Variants in FAM9B observed in about 807,000 individuals in gnomAD.
FAM9B encodes protein FAM9B.
Under a neutral mutation model 16.6 loss-of-function variants are expected in FAM9B, and 18 were observed. That is an observed-to-expected ratio of 1.09 (90% CI 0.75 to 1.61). The LOEUF is 1.61. Ranked by LOEUF, FAM9B falls within the 40% of genes most tolerant of loss-of-function variation. The pLI is 0.00. For missense variants in FAM9B, 155 were observed against 136.0 expected (o/e 1.14, Z -0.70); for synonymous variants, 43 against 42.6 (o/e 1.01, Z -0.03).
chrX:9,027,137 A>G (rs114326282), intron 7 of FAM9B, among the ~76,000 whole-genome samples: 1,960 of 112,203 alleles, frequency 0.017, 45 homozygotes, highest in African/African-American at 0.061. Flanking sequence ...ATAATTCGCA[A>G]TTCACAACGT....
rs770766334 is a variant in FAM9B, at chrX:9,032,004, C to T, written c.181+126G>A. 1,211 of 523,602 alleles carry T rather than the reference C, an allele frequency of 2.3e-3. 3 individuals carry two copies. Among genetic ancestry groups the T allele is most frequent in the Non-Finnish European group, 3.2e-3 (1,059 of 332,525 alleles). 43.2% of individuals were successfully genotyped at this position (523,602 alleles called of 1,213,427 possible). A position where few individuals can be genotyped will look rare whatever the true frequency, so the allele number is the denominator to read the frequency against. The stretch of plus-strand genomic sequence containing the variant: ...TCAAATAGATTACATTAAATACGTA[C>T]GTTAAATGCTACATATGAGAAGCCA... On this transcript the variant is annotated intron_variant, in intron 4 of 8. Transcript: ENST00000327220.
chrX:9,030,578 T>A (rs751810557), intron 4 of FAM9B: 15 of 283,450 alleles, frequency 5.3e-5, no homozygotes, highest in Non-Finnish European at 9.2e-5. Flanking sequence ...TCAATTCCAG[T>A]TGGTATAACT....
At chrX:9,028,671 A>G (rs1224197128) in intron 6 of FAM9B, among the ~76,000 whole-genome samples, 4 of 111,462 alleles carry the variant, frequency 3.6e-5, no homozygotes, top group African/African-American at 1.3e-4. Context: ...ATGGTTTCCG[A>G]GCTAGCAATG....
intron 7 of FAM9B, 43 bp from the exon 8 acceptor site, chrX:9,025,626 A>G: frequency 2.0e-6 from 2 of 1,023,110 alleles, no homozygotes; most frequent in Non-Finnish European, 2.7e-6. Flanking sequence ...ACCACTTTAT[A>G]TCTCGCATTT....
At position 9,025,330 on chromosome X, in the gene FAM9B, T is replaced by C. The variant is rs1920958506; in HGVS notation, c.*79A>G. The C allele has an allele frequency of 1.8e-5, 7 of 378,405 alleles. No individual in the cohort carries two copies. The East Asian group carries it at 3.0e-4, about 16-fold the overall frequency. 31.2% of individuals were successfully genotyped at this position (378,405 alleles called of 1,213,427 possible). A position where few individuals can be genotyped will look rare whatever the true frequency, so the allele number is the denominator to read the frequency against. On this transcript the variant is annotated 3_prime_UTR_variant, in exon 9 of 9. Transcript: ENST00000327220. ...CAAGTTCTTTCTTCAGTCATCAGAA[T>C]AACAGAGGTTGAAGAGACAACTGGG...
At chrX:9,027,087 T>C (rs1920974549) in intron 7 of FAM9B, among the ~76,000 whole-genome samples, 1 of 112,054 alleles carries the variant, frequency 8.9e-6, no homozygotes, top group African/African-American at 3.2e-5. Context: ...GAAGAGGTCA[T>C]TGTCTGATGA....
chrX:9,024,594 T>C lies in FAM9B; in HGVS notation c.*815A>G, dbSNP rs747027010. 6 of 112,016 alleles carry C rather than the reference T, an allele frequency of 5.4e-5. No individual in the cohort carries two copies. The highest frequency in any genetic ancestry group is 9.4e-5 in the Non-Finnish European group (5 of 53,248). The allele number at this position is 112,016 out of a possible 1,213,427, so 9.2% of individuals were successfully genotyped here. A position where few individuals can be genotyped will look rare whatever the true frequency, so the allele number is the denominator to read the frequency against. On this transcript the variant is annotated 3_prime_UTR_variant, in exon 9 of 9. Transcript: ENST00000327220. ...TTTTGATATGGCCATAGAGTATATC[T>C]ATTTTTTGAAGTCCTACTTTCATTG...
At chrX:9,028,201 C>G in intron 6 of FAM9B, among the ~76,000 whole-genome samples, 2 of 111,995 alleles carry the variant, frequency 1.8e-5, no homozygotes, top group Non-Finnish European at 3.8e-5. Context: ...TTTACACATT[C>G]AACACATATG....
At chrX:9,028,397 C>T (rs1920988209) in intron 6 of FAM9B, among the ~76,000 whole-genome samples, 1 of 111,356 alleles carries the variant, frequency 9.0e-6, no homozygotes, top group Non-Finnish European at 1.9e-5. Flanking sequence ...TGCCTTTCTG[C>T]ACCCTGACCT....
intron 4 of FAM9B, chrX:9,031,566 ACT>A (rs1921073344): frequency 1.8e-5 from 2 of 111,407 alleles, no homozygotes; most frequent in Admixed American, 9.6e-5. Flanking sequence ...CATATTAAAA[ACT>A]CTGAGTACAG....
At chrX:9,031,083 CA>C (rs1335884804) in intron 4 of FAM9B, 2 of 111,731 alleles carry the variant, frequency 1.8e-5, no homozygotes, top group African/African-American at 6.5e-5. Flanking sequence ...TAATTTTCAG[CA>C]ATCATAAAAG....
chrX:9,031,965 G>A, intron 4 of FAM9B, 165 bp downstream of exon 4: 1 of 424,470 alleles, frequency 2.4e-6, no homozygotes, highest in Non-Finnish European at 3.9e-6. Context: ...AATCAAAAAG[G>A]TAAGAAAAAT....
At chrX:9,026,809 T>G (rs1920971537) in intron 7 of FAM9B, among the ~76,000 whole-genome samples, 1 of 111,623 alleles carries the variant, frequency 9.0e-6, no homozygotes, top group African/African-American at 3.3e-5. Flanking sequence ...AGTCTCATGT[T>G]CATACCAATT....
At chrX:9,033,134 C>T in intron 1 of FAM9B, 59 bp from the exon 2 acceptor site, 1 of 1,175,330 alleles carries the variant, frequency 8.5e-7, no homozygotes, top group Non-Finnish European at 1.1e-6. Context: ...GAAAGGAAAG[C>T]CATTGGGATC....
chrX:9,032,982 G>A lies in FAM9B; in HGVS notation c.5C>T (p.Ala2Val). The A allele has an allele frequency of 8.3e-7, 1 of 1,211,686 alleles. No individual in the cohort carries two copies. The highest frequency in any genetic ancestry group is 1.1e-6 in the Non-Finnish European group (1 of 895,455). M[A>V]AWGKKHAGKD... ...ACCTGCATGCTTCTTCCCCCAGGCC[G>A]CCATAAATTGAGCCTCCAACTGGGC... is the stretch of plus-strand genomic sequence containing the variant. Residue 2 changes from alanine to valine, a missense_variant, in exon 2 of 9, where the codon GCG (alanine) becomes GTG (valine). Coordinates refer to ENST00000327220, the MANE Select transcript of FAM9B (RefSeq NM_205849.3).
Position 9,029,402 on chromosome X carries a change from T to C in FAM9B, c.298A>G (p.Ile100Val), listed in dbSNP as rs1602137267. Residue 100 changes from isoleucine (I) to valine (V), a missense_variant, in exon 6 of 9, where the codon ATA (isoleucine) becomes GTA (valine). Transcript: ENST00000327220. ...KQLKRQKRDY[I>V]HSLKLLNVLE... is the part of the protein sequence containing the mutation. ...ACATTTAGCAACTTCAGAGAATGTA[T>C]ATAATCACGTTTCTGCCTGTAACAC... 1 of 1,195,414 alleles carries C rather than the reference T, an allele frequency of 8.4e-7. No individual in the cohort carries two copies. The highest frequency in any genetic ancestry group is 3.0e-5 in the East Asian group (1 of 33,749).
chrX:9,032,278 G>A (rs1921097627), intron 3 of FAM9B, 63 bp downstream of exon 3: 4 of 1,206,275 alleles, frequency 3.3e-6, no homozygotes, highest in Non-Finnish European at 2.2e-6. Flanking sequence ...TGATGACATG[G>A]TCCAAAGCTG....
intron 5 of FAM9B, among the ~76,000 whole-genome samples, chrX:9,029,668 A>G (rs1921012674): frequency 8.9e-6 from 1 of 111,906 alleles, no homozygotes; most frequent in African/African-American, 3.2e-5. Flanking sequence ...TTACTGCACT[A>G]TAACTTTCCC....
At chrX:9,033,712 G>T in intron 1 of FAM9B, 140 bp downstream of exon 1, 1 of 120,582 alleles carries the variant, frequency 8.3e-6, no homozygotes, top group Non-Finnish European at 1.1e-5. Flanking sequence ...CCCACCCTCA[G>T]GGCCTCGCCC....
Sources: gnomAD v4.1 joint callset for allele counts (sites outside exome capture counted in the v4.1 genomes callset) on GRCh38, gnomAD v4.1.1 for gene constraint, MANE v1.5 for transcripts, NCBI Gene and HGNC (gene_info 2026-07-23, HGNC 2026-07-21) for gene names.